The following ZFP91 variants were observed in gnomAD, a reference collection of about 807,000 sequenced individuals.
The protein encoded by ZFP91 is E3 ubiquitin-protein ligase ZFP91.
In ZFP91, 7 loss-of-function variants were observed where a neutral mutation model predicts 63.5. The ratio of observed to expected loss-of-function variants is 0.11; its 90% CI spans 0.06 to 0.21. ZFP91 has a LOEUF of 0.21. ZFP91 is among the 10% of genes least tolerant of loss of function. The pLI is 1.00. For synonymous variants in ZFP91, 330 were observed against 272.1 expected (o/e 1.21, Z -2.10); for missense variants, 628 against 736.6 (o/e 0.85, Z 1.71).
At chr11:58,608,747 G>A (rs1381772075) in intron 2 of ZFP91, among the ~76,000 whole-genome samples, 1 of 152,146 alleles carries the variant, frequency 6.6e-6, no homozygotes, top group African/African-American at 2.4e-5. Flanking sequence ...TGGGATTGCA[G>A]TTAGGCACCA....
intron 2 of ZFP91, among the ~76,000 whole-genome samples, chr11:58,592,764 A>C (rs1203280793): frequency 6.6e-6 from 1 of 152,224 alleles, no homozygotes; most frequent in Admixed American, 6.5e-5. Flanking sequence ...ACTGTGTATT[A>C]GTCCCTTTTG....
rs968732677 is a variant in ZFP91 at position 58,591,593 on chromosome 11, T to C, written c.370+6709T>C. On this transcript the variant is annotated intron_variant, in intron 2 of 10. Coordinates refer to ENST00000316059, the MANE Select transcript of ZFP91 (RefSeq NM_053023.5). ...GTCCTTCATGCCTGTTTATAGTTAATCCGTATTCTCACCCCCAACCCTAGG... is the reference window on the plus strand; with the variant it reads ...GTCCTTCATGCCTGTTTATAGTTAACCCGTATTCTCACCCCCAACCCTAGG... Among the ~76,000 whole-genome samples the C allele has an allele frequency of 2.0e-5, 3 of 152,208 alleles. No homozygotes were observed. The South Asian group carries it at 6.2e-4, about 31-fold the overall frequency.
Position 58,621,107 on chromosome 11 carries a change from T to A in ZFP91, c.*3401T>A, listed in dbSNP as rs1304745876. 6.6e-6 allele frequency: 1 copy of A among 152,648 alleles called. No homozygotes were observed. Among genetic ancestry groups the A allele is most frequent in the African/African-American group, 2.4e-5 (1 of 41,464 alleles). 9.5% of individuals were successfully genotyped at this position (152,648 alleles called of 1,614,324 possible). ...CTAGGGGTGAAACATGTGATGCTGC[T>A]AAGCAAACCAAATGCCCTCAGAACA... On this transcript the variant is annotated 3_prime_UTR_variant, in exon 11 of 11. Coordinates refer to ENST00000316059, the MANE Select transcript of ZFP91 (RefSeq NM_053023.5).
chr11:58,598,624 C>T (rs1261595435), intron 2 of ZFP91, among the ~76,000 whole-genome samples: 3 of 151,972 alleles, frequency 2.0e-5, no homozygotes, highest in Non-Finnish European at 4.4e-5. Flanking sequence ...TGGAAATTGT[C>T]TTTGAAGTAC....
intron 2 of ZFP91, among the ~76,000 whole-genome samples, chr11:58,591,939 A>G (rs148233843): frequency 1.2e-4 from 18 of 152,264 alleles, no homozygotes; most frequent in Non-Finnish European, 2.2e-4. Flanking sequence ...CAGTGGCTGT[A>G]GCCAGGTCAG....
In ZFP91 at chr11:58,609,843, A is replaced by T; in HGVS notation, c.384A>T (p.Glu128Asp). The change falls in exon 3 of 11, where the codon GAA (glutamate) becomes GAT (aspartate). Residue 128 changes from glutamate to aspartate, a missense_variant. This residue lies in a region of ZFP91 where 437 missense variants were observed against 380.3 expected (regional missense o/e 1.15). Transcript: ENST00000316059. ...CTTTTTATTTAGATCCCAAGGAAGA[A>T]AAAGAGGAAGAAGACGATTCTGCCC... ...KVTTDKDPKE[E>D]KEEEDDSALP... 1 of 1,614,200 alleles carries T rather than the reference A, an allele frequency of 6.2e-7. No homozygotes were observed. The highest frequency in any genetic ancestry group is 8.5e-7 in the Non-Finnish European group (1 of 1,180,004).
At chr11:58,589,477 A>G (rs1485972674) in intron 2 of ZFP91, among the ~76,000 whole-genome samples, 1 of 152,240 alleles carries the variant, frequency 6.6e-6, no homozygotes, top group Non-Finnish European at 1.5e-5. Context: ...GGCTTCTCTT[A>G]ATACTACTGA....
chr11:58,589,907 G>A (rs1046965673), intron 2 of ZFP91, among the ~76,000 whole-genome samples: 7 of 152,156 alleles, frequency 4.6e-5, no homozygotes, highest in African/African-American at 1.7e-4. Flanking sequence ...GCTTATTTCA[G>A]TTATGGGATT....
rs749902065 is a variant in ZFP91 at position 58,613,413 on chromosome 11, A to G, written c.987+573A>G. Among the ~76,000 whole-genome samples, 8 of 152,282 alleles carry G rather than the reference A, an allele frequency of 5.3e-5. No individual in the cohort carries two copies. In the East Asian group the frequency reaches 7.7e-4, roughly 15 times the overall value. Reference sequence around the variant, plus strand: ...CCATTAGGTCCCGCCTTCCAACACTATCACATTGGGGATTAAGTTTCCAAC... The same window carrying G: ...CCATTAGGTCCCGCCTTCCAACACTGTCACATTGGGGATTAAGTTTCCAAC... On this transcript the variant is annotated intron_variant, in intron 8 of 10. Coordinates refer to ENST00000316059, the MANE Select transcript of ZFP91 (RefSeq NM_053023.5).
Position 58,579,298 on chromosome 11 carries a change from A to C in ZFP91, c.17A>C (p.Glu6Ala). Residue 6 changes from glutamate (E) to alanine (A), a missense_variant, in exon 1 of 11, where the codon GAA becomes GCA. Physicochemically the swap from Glu to Ala is moderately radical, Grantham distance 107. This residue lies in a region of ZFP91 where 437 missense variants were observed against 380.3 expected (regional missense o/e 1.15). Coordinates refer to ENST00000316059, the MANE Select transcript of ZFP91 (RefSeq NM_053023.5). The part of the protein sequence containing the change: MPGET[E>A]EPRPPEQQDQ... ...CAAGCCCCGATGCCGGGGGAGACGG[A>C]AGAGCCGAGACCCCCGGAGCAGCAG... 1 of 1,472,124 alleles carries C rather than the reference A, an allele frequency of 6.8e-7. No individual in the cohort carries two copies. The highest frequency in any genetic ancestry group is 8.9e-7 in the Non-Finnish European group (1 of 1,118,094). 91.2% of individuals were successfully genotyped at this position (1,472,124 alleles called of 1,614,324 possible).
At chr11:58,596,804 C>T (rs563312335) in intron 2 of ZFP91, among the ~76,000 whole-genome samples, 2 of 151,452 alleles carry the variant, frequency 1.3e-5, no homozygotes, top group South Asian at 4.2e-4. Context: ...ACACAATTTT[C>T]TCCAGCAGGA....
At chr11:58,607,754 T>C (rs989668473) in intron 2 of ZFP91, among the ~76,000 whole-genome samples, 2 of 152,148 alleles carry the variant, frequency 1.3e-5, no homozygotes, top group East Asian at 3.9e-4. Context: ...GTTTTGTGTC[T>C]TTTTTATACA....
At chr11:58,608,440 T>C (rs1368675830) in intron 2 of ZFP91, among the ~76,000 whole-genome samples, 1 of 152,080 alleles carries the variant, frequency 6.6e-6, no homozygotes, top group East Asian at 2.0e-4. Context: ...GTTTTGCTAA[T>C]ACATTATCAT....
chr11:58,608,194 T>C (rs1210390037), intron 2 of ZFP91, among the ~76,000 whole-genome samples: 1 of 151,914 alleles, frequency 6.6e-6, no homozygotes, highest in Admixed American at 6.6e-5. Context: ...TATTTGTGTG[T>C]ATATATATCT....
At position 58,579,224 on chromosome 11, in the gene ZFP91, G is replaced by GGCCGCC. The variant is rs1297417123; in HGVS notation, c.-54_-49dup. ...GAGGGGGCGGGGGGAGCAGCGCCGAGGCCGCCGCCTCCGCCTCCGCCGCCT... is the reference window on the plus strand; with the variant it reads ...GAGGGGGCGGGGGGAGCAGCGCCGAGGCCGCCGCCGCCGCCTCCGCCTCCGCCGCCT... On this transcript the variant is annotated 5_prime_UTR_variant, in exon 1 of 11. Transcript: ENST00000316059. The GGCCGCC allele has an allele frequency of 3.0e-5, 40 of 1,339,878 alleles. No individual in the cohort carries two copies. The highest frequency in any genetic ancestry group is 9.3e-5 in the East Asian group (3 of 32,138). The allele number at this position is 1,339,878 out of a possible 1,614,324, so 83.0% of individuals were successfully genotyped here. A position where few individuals can be genotyped will look rare whatever the true frequency, so the allele number is the denominator to read the frequency against.
Position 58,579,421 on chromosome 11 carries a change from G to C in ZFP91, c.140G>C (p.Ser47Thr). The C allele has an allele frequency of 6.9e-7, 1 of 1,449,000 alleles. No individual in the cohort carries two copies. Among genetic ancestry groups the C allele is most frequent in the Non-Finnish European group, 9.0e-7 (1 of 1,109,328 alleles). The allele number at this position is 1,449,000 out of a possible 1,614,324, so 89.8% of individuals were successfully genotyped here. A position where few individuals can be genotyped will look rare whatever the true frequency, so the allele number is the denominator to read the frequency against. Residue 47 changes from serine to threonine, a missense_variant, in exon 1 of 11, where the codon AGC becomes ACC. Physicochemically the swap from Ser to Thr is moderately conservative, Grantham distance 58 (BLOSUM62 1). Transcript: ENST00000316059. ...VAAAPAGTTS[S>T]RVLRGGRDRG... ...GCGGCGCCTGCAGGGACCACTAGCA[G>C]CCGCGTGCTGAGGGGAGGTCGGGAC...
chr11:58,612,266 C>T lies in ZFP91; in HGVS notation c.858-12C>T, dbSNP rs376953189. The T allele has an allele frequency of 6.2e-7, 1 of 1,613,132 alleles. No homozygotes were observed. The highest frequency in any genetic ancestry group is 1.3e-5 in the African/African-American group (1 of 74,856). On this transcript the variant is annotated splice_polypyrimidine_tract_variant and intron_variant, in intron 6 of 10. Transcript: ENST00000316059. ...CAGAATATGTCTACTGTTACCCTGT[C>T]TTCAATTACAGGAGAGGAAGAAGAC... is the stretch of plus-strand genomic sequence containing the variant.
chr11:58,609,773 A>G lies in ZFP91; in HGVS notation c.371-57A>G, dbSNP rs954114787. 10 of 1,461,776 alleles carry G rather than the reference A, an allele frequency of 6.8e-6. No individual in the cohort carries two copies. In the African/African-American group the frequency reaches 1.3e-4, roughly 18 times the overall value. The allele number at this position is 1,461,776 out of a possible 1,614,324, so 90.6% of individuals were successfully genotyped here. The stretch of plus-strand genomic sequence containing the variant: ...CTGTATTTACAATTAGTAGATATAC[A>G]GGGATGGTTATTGGTTAACTGTAAA... On this transcript the variant is annotated intron_variant, in intron 2 of 10. Coordinates refer to ENST00000316059, the MANE Select transcript of ZFP91 (RefSeq NM_053023.5).
At chr11:58,581,185 G>GT (rs1259955403) in intron 1 of ZFP91, among the ~76,000 whole-genome samples, 11 of 151,966 alleles carry the variant, frequency 7.2e-5, no homozygotes, top group African/African-American at 2.7e-4. Flanking sequence ...TTGTAGTGAG[G>GT]TTTTTCATAT....
Sources: gnomAD v4.1 joint callset for allele counts (sites outside exome capture counted in the v4.1 genomes callset) on GRCh38, gnomAD v4.1.1 for gene constraint, gnomAD v4.1.1 regional missense constraint, MANE v1.5 for transcripts, NCBI Gene and HGNC (gene_info 2026-07-23, HGNC 2026-07-21) for gene names.